MSANTD4: variants seen among roughly 807,000 people sequenced by gnomAD.
The protein encoded by MSANTD4 is Myb/SANT DNA binding domain containing 4 with coiled-coils.
In MSANTD4, 13 loss-of-function variants were observed where a neutral mutation model predicts 34.3. The ratio of observed to expected loss-of-function variants is 0.38; its 90% CI spans 0.25 to 0.60. The LOEUF (loss-of-function observed/expected upper bound fraction) is 0.60, where lower values mean the gene tolerates loss of function less well. MSANTD4 is among the 20% of genes least tolerant of loss of function. MSANTD4 has a pLI of 0.63. For synonymous variants in MSANTD4, 137 were observed against 145.2 expected, an observed-to-expected ratio of 0.94 and a Z score of 0.41; for missense variants, 358 against 401.8, an observed-to-expected ratio of 0.89 and a Z score of 0.93.
At chr11:106,019,591 CTT>C (rs1460940296) in intron 1 of MSANTD4, among the ~76,000 whole-genome samples, 1 of 152,138 alleles carries the variant, frequency 6.6e-6, no homozygotes, top group African/African-American at 2.4e-5. Context: ...CTTCAGCACT[CTT>C]GTTTAAATGT....
At position 106,011,064 on chromosome 11, in the gene MSANTD4, A is replaced by C. The variant is rs996871830; in HGVS notation, c.-147T>G. 2.9e-4 allele frequency: 398 copies of C among 1,378,826 alleles called. 7 individuals carry two copies. The South Asian group carries it at 6.0e-3, about 21-fold the overall frequency. 85.4% of individuals were successfully genotyped at this position (1,378,826 alleles called of 1,614,324 possible). A position where few individuals can be genotyped will look rare whatever the true frequency, so the allele number is the denominator to read the frequency against. On this transcript the variant is annotated 5_prime_UTR_variant, in exon 2 of 3. Transcript: ENST00000301919. ...ATCTAGTGGCAAGGCAGTCTGGATA[A>C]TTCCTAAAAGGAAAAAAGTACAAGC...
Position 106,009,875 on chromosome 11 carries a change from A to G in MSANTD4, c.698T>C (p.Leu233Pro). ...AERLQVEKER[L>P]QIEKERLRHL... is the part of the protein sequence containing the mutation. Reference sequence around the variant, plus strand: ...CCGCAGCCTCTCTTTCTCGATTTGTAGGCGTTCCTTTTCTACCTGCAGCCT... The same window carrying G: ...CCGCAGCCTCTCTTTCTCGATTTGTGGGCGTTCCTTTTCTACCTGCAGCCT... The change falls in exon 3 of 3, where the codon CTA becomes CCA. Residue 233 changes from leucine to proline, a missense_variant. Leu to Pro is a moderately conservative substitution (Grantham distance 98, BLOSUM62 -3). This residue lies in a region of MSANTD4 where 312 missense variants were observed against 317.6 expected (regional missense o/e 0.98). Coordinates refer to ENST00000301919, the MANE Select transcript of MSANTD4 (RefSeq NM_032424.3). 1 of 1,613,626 alleles carries G rather than the reference A, an allele frequency of 6.2e-7. No homozygotes were observed. Among genetic ancestry groups the G allele is most frequent in the Non-Finnish European group, 8.5e-7 (1 of 1,179,924 alleles).
Position 106,010,542 on chromosome 11 carries a change from G to A in MSANTD4, c.376C>T (p.Gln126Ter). 6.2e-7 allele frequency: 1 copy of A among 1,614,054 alleles called. No homozygotes were observed. ...GFRNDANFDW[Q>*]NVADFRDAGG... is the part of the protein sequence containing the mutation. Reference sequence around the variant, plus strand: ...GCATCCCTGAAATCTGCCACATTTTGCCAGTCAAAATTTGCATCATTTCGG... The same window carrying A: ...GCATCCCTGAAATCTGCCACATTTTACCAGTCAAAATTTGCATCATTTCGG... Residue 126 changes from glutamine (Q) to a stop codon, truncating the protein, a stop_gained, in exon 2 of 3, where the codon CAA (glutamine) becomes TAA (stop). Coordinates refer to ENST00000301919, the MANE Select transcript of MSANTD4 (RefSeq NM_032424.3). LOFTEE classifies it high-confidence loss of function.
chr11:106,019,307 C>G lies in MSANTD4; in HGVS notation c.-151+1655G>C, dbSNP rs550932822. Among the ~76,000 whole-genome samples, 116 of 152,264 alleles carry G rather than the reference C, an allele frequency of 7.6e-4. 1 individual carries two copies. The Middle Eastern group carries it at 0.014, about 18-fold the overall frequency. ...AGCCCTATATGTAATTTTAAATCCC[C>G]AAGTAGCCACATTAAAACGGTAAAA... On this transcript the variant is annotated intron_variant, in intron 1 of 2. Coordinates refer to ENST00000301919, the MANE Select transcript of MSANTD4 (RefSeq NM_032424.3).
At chr11:106,017,776 C>T (rs770169329) in intron 1 of MSANTD4, among the ~76,000 whole-genome samples, 5 of 152,048 alleles carry the variant, frequency 3.3e-5, no homozygotes, top group African/African-American at 4.8e-5. Context: ...AGAGAAATGA[C>T]GTGCATATGA....
chr11:106,011,337 T>C (rs1189502308), intron 1 of MSANTD4, among the ~76,000 whole-genome samples: 4 of 152,168 alleles, frequency 2.6e-5, no homozygotes, highest in Admixed American at 1.3e-4. Flanking sequence ...AAATTCTCCC[T>C]CTCTCCTCCA....
At chr11:106,019,508 A>C (rs1859965718) in intron 1 of MSANTD4, among the ~76,000 whole-genome samples, 1 of 152,274 alleles carries the variant, frequency 6.6e-6, no homozygotes, top group African/African-American at 2.4e-5. Context: ...GGACTATCAC[A>C]CATATATTTC....
Position 106,010,678 on chromosome 11 carries a change from C to T in MSANTD4, c.240G>A (p.Met80Ile), listed in dbSNP as rs1859668385. The change falls in exon 2 of 3, where the codon ATG becomes ATA. Residue 80 changes from methionine (M) to isoleucine (I), a missense_variant. By Grantham distance (10) the Met-to-Ile change is conservative. This residue lies in a region of MSANTD4 where 312 missense variants were observed against 317.6 expected (regional missense o/e 0.98). Coordinates refer to ENST00000301919, the MANE Select transcript of MSANTD4 (RefSeq NM_032424.3). Reference sequence around the variant, plus strand: ...TGTTGGCCTTCATCCTCTTTCTCTTCATAAGTGCTCGCCAGTCAAGGTACC... The same window carrying T: ...TGTTGGCCTTCATCCTCTTTCTCTTTATAAGTGCTCGCCAGTCAAGGTACC... The part of the protein sequence containing the change: ...KRRYLDWRAL[M>I]KRKRMKANIK... 1 of 1,614,076 alleles carries T rather than the reference C, an allele frequency of 6.2e-7. No individual in the cohort carries two copies. The highest frequency in any genetic ancestry group is 1.7e-5 in the Admixed American group (1 of 60,008).
Position 106,009,799 on chromosome 11 carries a change from C to G in MSANTD4, c.774G>C (p.Gln258His), listed in dbSNP as rs1396922431. ...ERLQLEKERLQIEREKLRLQI... is the reference protein window; with the variant it reads ...ERLQLEKERLHIEREKLRLQI... ...GTAACCTCAACTTTTCTCTTTCAAT[C>G]TGCAGCCGCTCCTTCTCTAGCTGAA... Residue 258 changes from glutamine (Q) to histidine (H), a missense_variant, in exon 3 of 3, where the codon CAG (glutamine) becomes CAC (histidine). By Grantham distance (24) the Gln-to-His change is conservative. Around this residue, in one of 2 missense-constraint regions of MSANTD4, gnomAD observed 312 missense variants for 317.6 expected, o/e 0.98. Transcript: ENST00000301919. The G allele has an allele frequency of 1.2e-6, 2 of 1,614,084 alleles. No homozygotes were observed. Among genetic ancestry groups the G allele is most frequent in the Non-Finnish European group, 8.5e-7 (1 of 1,180,046 alleles).
chr11:106,013,632 G>A (rs748371556), intron 1 of MSANTD4, among the ~76,000 whole-genome samples: 19 of 152,104 alleles, frequency 1.2e-4, no homozygotes, highest in Admixed American at 5.9e-4. Flanking sequence ...AGGCTGAGGC[G>A]GGCGGATTGC....
rs549718139 is a variant in MSANTD4 at position 106,013,678 on chromosome 11, T to C, written c.-150-2611A>G. On this transcript the variant is annotated intron_variant, in intron 1 of 2. Coordinates refer to ENST00000301919, the MANE Select transcript of MSANTD4 (RefSeq NM_032424.3). ...AAGTTCAAGACCAGCCTGGGCAGCA[T>C]GGCAAAACCCCGTATCTACTAAAAA... Among the ~76,000 whole-genome samples, 12 of 152,270 alleles carry C rather than the reference T, an allele frequency of 7.9e-5. No individual in the cohort carries two copies. The South Asian group carries it at 2.1e-3, about 26-fold the overall frequency.
chr11:106,009,322 G>C lies in MSANTD4; in HGVS notation c.*213C>G. The C allele has an allele frequency of 2.0e-6, 1 of 500,530 alleles. No homozygotes were observed. The highest frequency in any genetic ancestry group is 3.5e-6 in the Non-Finnish European group (1 of 285,136). The allele number at this position is 500,530 out of a possible 1,614,324, so 31.0% of individuals were successfully genotyped here. Reference sequence around the variant, plus strand: ...ACTCTATGTAATATTATAAGGTAAAGAGTCCAGCACAGTAAGTTTCTGCTA... The same window carrying C: ...ACTCTATGTAATATTATAAGGTAAACAGTCCAGCACAGTAAGTTTCTGCTA... On this transcript the variant is annotated 3_prime_UTR_variant, in exon 3 of 3. Coordinates refer to ENST00000301919, the MANE Select transcript of MSANTD4 (RefSeq NM_032424.3).
intron 1 of MSANTD4, among the ~76,000 whole-genome samples, chr11:106,018,524 C>T (rs909348547): frequency 6.6e-6 from 1 of 152,126 alleles, no homozygotes; most frequent in South Asian, 2.1e-4. Context: ...GATTGAGAAC[C>T]ACCCAACTAG....
intron 1 of MSANTD4, among the ~76,000 whole-genome samples, chr11:106,012,106 A>G (rs1056862670): frequency 6.6e-6 from 1 of 150,488 alleles, no homozygotes; most frequent in Non-Finnish European, 1.5e-5. Context: ...TCATGTAAGT[A>G]AAAAGATCAA....
chr11:106,019,558 C>T (rs925573466), intron 1 of MSANTD4, among the ~76,000 whole-genome samples: 9 of 152,154 alleles, frequency 5.9e-5, no homozygotes, highest in African/African-American at 1.2e-4. Flanking sequence ...TCTGCCTTTT[C>T]GTCAGGCCAA....
At position 106,010,454 on chromosome 11, in the gene MSANTD4, A is replaced by C. The variant is rs756725025; in HGVS notation, c.462+2T>G. The stretch of plus-strand genomic sequence containing the variant: ...AAAGAGGGTACAGAGGCTAATACTT[A>C]CTTCAGGACTCTGCGGATCCCTTTC... On this transcript the variant is annotated splice_donor_variant, in intron 2 of 2. Transcript: ENST00000301919. LOFTEE classifies it high-confidence loss of function. 6.2e-7 allele frequency: 1 copy of C among 1,606,570 alleles called. No individual in the cohort carries two copies. The highest frequency in any genetic ancestry group is 8.5e-7 in the Non-Finnish European group (1 of 1,176,012).
intron 1 of MSANTD4, among the ~76,000 whole-genome samples, chr11:106,014,859 TA>T (rs1488006846): frequency 2.0e-5 from 3 of 152,080 alleles, no homozygotes; most frequent in Non-Finnish European, 4.4e-5. Flanking sequence ...GTCAGAAAAC[TA>T]AAAATTCAAA....
At chr11:106,018,427 C>T (rs1274255890) in intron 1 of MSANTD4, among the ~76,000 whole-genome samples, 1 of 152,114 alleles carries the variant, frequency 6.6e-6, no homozygotes, top group Non-Finnish European at 1.5e-5. Context: ...AACCAGTTCC[C>T]ATCTCTGACC....
intron 1 of MSANTD4, among the ~76,000 whole-genome samples, chr11:106,014,551 A>T (rs756872996): frequency 1.3e-5 from 2 of 152,234 alleles, no homozygotes; most frequent in Non-Finnish European, 2.9e-5. Context: ...AAAATATAGC[A>T]ATTAAGCAAG....
Sources: allele counts gnomAD v4.1 joint callset (sites outside exome capture counted in the v4.1 genomes callset), GRCh38; gene constraint gnomAD v4.1.1; regional missense constraint gnomAD v4.1.1; transcripts MANE v1.5; gene names NCBI Gene and HGNC (gene_info 2026-07-23, HGNC 2026-07-21).